The following ZNF257 variants were observed in gnomAD, a reference collection of about 807,000 sequenced individuals.
The protein encoded by ZNF257 is zinc finger protein 257.
Under a neutral mutation model 11.9 loss-of-function variants are expected in ZNF257, and 12 were observed. The ratio of observed to expected loss-of-function variants is 1.01; its 90% CI spans 0.65 to 1.63. The LOEUF (loss-of-function observed/expected upper bound fraction) is 1.63, where lower values mean the gene tolerates loss of function less well. Among genes scored for constraint, ZNF257 ranks in the 40% most tolerant of loss-of-function variants. The pLI, the probability that ZNF257 is intolerant of heterozygous loss-of-function variation, is 0.00. For synonymous variants in ZNF257, 183 were observed against 222.7 expected (o/e 0.82, Z 1.59); for missense variants, 580 against 665.5 (o/e 0.87, Z 1.41).
chr19:22,061,253 G>C (rs1288544061), intron 1 of ZNF257, among the ~76,000 whole-genome samples: 3 of 152,164 alleles, frequency 2.0e-5, no homozygotes, highest in African/African-American at 4.8e-5. Flanking sequence ...TTCTATCCAT[G>C]AGCATAAAAT....
Position 22,068,446 on chromosome 19 carries a change from A to G in ZNF257, c.4-4363A>G, listed in dbSNP as rs186677369. Among the ~76,000 whole-genome samples the G allele has an allele frequency of 5.3e-5, 8 of 152,282 alleles. No individual in the cohort carries two copies. The East Asian group carries it at 1.5e-3, about 29-fold the overall frequency. On this transcript the variant is annotated intron_variant, in intron 1 of 3. Coordinates refer to ENST00000594947, the MANE Select transcript of ZNF257 (RefSeq NM_033468.4). Reference sequence around the variant, plus strand: ...TGATCTGACCAAGAATCTGCACATAAGAGCTGATCTCTGCCTGAGATTCAC... The same window carrying G: ...TGATCTGACCAAGAATCTGCACATAGGAGCTGATCTCTGCCTGAGATTCAC...
intron 1 of ZNF257, among the ~76,000 whole-genome samples, chr19:22,055,087 G>A (rs1397424148): frequency 6.6e-6 from 1 of 152,062 alleles, no homozygotes; most frequent in East Asian, 1.9e-4. Context: ...GAGACACATT[G>A]CTGTTAAGCC....
chr19:22,083,257 G>T (rs2022399854), intron 3 of ZNF257, among the ~76,000 whole-genome samples: 1 of 152,036 alleles, frequency 6.6e-6, no homozygotes, highest in African/African-American at 2.4e-5. Flanking sequence ...ATAACCTTAG[G>T]TCAGCAGTTT....
At chr19:22,058,834 T>C (rs1201408240) in intron 1 of ZNF257, among the ~76,000 whole-genome samples, 2 of 152,058 alleles carry the variant, frequency 1.3e-5, no homozygotes, top group African/African-American at 4.8e-5. Flanking sequence ...GACATTGAGG[T>C]GTCTACACCA....
chr19:22,084,322 T>G (rs1259029911), intron 3 of ZNF257, among the ~76,000 whole-genome samples: 1 of 152,154 alleles, frequency 6.6e-6, no homozygotes, highest in African/African-American at 2.4e-5. Context: ...AAAGTTTACG[T>G]GTTGCATTCT....
rs77765830 is a variant in ZNF257 at position 22,085,690 on chromosome 19, GCACA to G, written c.227-2270_227-2267del. 6.0e-3 allele frequency among the ~76,000 whole-genome samples: 885 copies of G among 148,044 alleles called. 8 individuals are homozygous for G. Among genetic ancestry groups the G allele is most frequent in the African/African-American group, 0.02 (804 of 40,524 alleles). On this transcript the variant is annotated intron_variant, in intron 3 of 3. Transcript: ENST00000594947. ...CCTAATGTGAGATACACACACACAT[GCACA>G]CACACACACACACACAAACACGCAA...
Position 22,072,827 on chromosome 19 carries a change from G to A in ZNF257, c.22G>A (p.Asp8Asn), listed in dbSNP as rs1170261885. ...TTTTCAGGGACCACTGACAATTAGG[G>A]ATGTGACTGTAGAATTCTCTCTGGA... MGPLTIR[D>N]VTVEFSLEEW... The change falls in exon 2 of 4, where the codon GAT becomes AAT. Residue 8 changes from aspartate (D) to asparagine (N), a missense_variant. Physicochemically the swap from Asp to Asn is conservative, Grantham distance 23 (BLOSUM62 1). Coordinates refer to ENST00000594947, the MANE Select transcript of ZNF257 (RefSeq NM_033468.4). The A allele has an allele frequency of 1.2e-6, 2 of 1,612,448 alleles. No homozygotes were observed. The highest frequency in any genetic ancestry group is 1.7e-6 in the Non-Finnish European group (2 of 1,179,324).
intron 1 of ZNF257, 131 bp from the exon 2 acceptor site, chr19:22,072,678 G>T: frequency 1.0e-6 from 1 of 986,914 alleles, no homozygotes; most frequent in Non-Finnish European, 1.5e-6. Context: ...TATTTTCTTG[G>T]ATAATTTTGG....
chr19:22,066,486 C>T (rs563970426), intron 1 of ZNF257: 30 of 152,646 alleles, frequency 2.0e-4, no homozygotes, highest in African/African-American at 7.0e-4. Flanking sequence ...GGCTGTGCCT[C>T]AGTGGCAGAT....
intron 1 of ZNF257, among the ~76,000 whole-genome samples, chr19:22,060,224 C>G (rs986128795): frequency 3.3e-5 from 5 of 152,172 alleles, no homozygotes; most frequent in Non-Finnish European, 5.9e-5. Flanking sequence ...CATGAGACAT[C>G]ACTACATTGC....
At position 22,089,615 on chromosome 19, in the gene ZNF257, G is replaced by T; in HGVS notation, c.*173G>T. The T allele has an allele frequency of 7.0e-7, 1 of 1,427,598 alleles. No homozygotes were observed. 88.4% of individuals were successfully genotyped at this position (1,427,598 alleles called of 1,614,324 possible). On this transcript the variant is annotated 3_prime_UTR_variant, in exon 4 of 4. Transcript: ENST00000594947. ...AGCATAAAATAATTCATGCTGGAGA[G>T]AAACTCTTGAAATGTGATGAATGTG...
chr19:22,054,957 T>C (rs1039254871), intron 1 of ZNF257, among the ~76,000 whole-genome samples: 4 of 149,956 alleles, frequency 2.7e-5, no homozygotes, highest in African/African-American at 9.9e-5. Context: ...CAACCTGAGT[T>C]ATGGAGTGTA....
At chr19:22,076,799 C>T (rs1280763746) in intron 3 of ZNF257, among the ~76,000 whole-genome samples, 2 of 152,144 alleles carry the variant, frequency 1.3e-5, no homozygotes, top group African/African-American at 4.8e-5. Flanking sequence ...CGCCATTCTC[C>T]TGCCTCAGCC....
intron 1 of ZNF257, among the ~76,000 whole-genome samples, chr19:22,067,776 G>A (rs2021991873): frequency 2.0e-5 from 3 of 152,064 alleles, no homozygotes; most frequent in Admixed American, 2.0e-4. Context: ...GAAGGTTGCA[G>A]TGACCCGAGA....
Position 22,052,490 on chromosome 19 carries a change from T to C in ZNF257, c.-143T>C. On this transcript the variant is annotated 5_prime_UTR_variant, in exon 1 of 4. Transcript: ENST00000594947. ...GCTTCCGGGTTTGGCGGGTACTTTG[T>C]CTCTCGCTCTAGCCCGAGCTGCAGG... The C allele has an allele frequency of 1.0e-6, 1 of 960,436 alleles. No homozygotes were observed. The allele number at this position is 960,436 out of a possible 1,614,324, so 59.5% of individuals were successfully genotyped here.
intron 3 of ZNF257, chr19:22,087,651 C>A (rs2022504038): frequency 2.0e-6 from 2 of 987,118 alleles, no homozygotes; most frequent in Admixed American, 4.3e-5. Flanking sequence ...TGGCAATTTA[C>A]TTCTAAGGGC....
At chr19:22,064,096 A>T in intron 1 of ZNF257, 1 of 152,222 alleles carries the variant, frequency 6.6e-6, no homozygotes, top group East Asian at 1.9e-4. Flanking sequence ...TCAAGTGCAC[A>T]AAGTGTGCCC....
At chr19:22,062,304 T>C (rs1220251966) in intron 1 of ZNF257, among the ~76,000 whole-genome samples, 1 of 151,464 alleles carries the variant, frequency 6.6e-6, no homozygotes, top group Non-Finnish European at 1.5e-5. Context: ...TTTTGTATTT[T>C]TCGTAGAGAC....
In ZNF257 at chr19:22,088,040, A is replaced by G. The variant is rs747868683; in HGVS notation, c.290A>G (p.Lys97Arg). Reference sequence around the variant, plus strand: ...CGAGACATAAAATATTTTTTCCAAAAAGTCATACTGAGGAGATATGATAAA... The same window carrying G: ...CGAGACATAAAATATTTTTTCCAAAGAGTCATACTGAGGAGATATGATAAA... Reference protein sequence around the residue: ...PERDIKYFFQKVILRRYDKCE... With the variant: ...PERDIKYFFQRVILRRYDKCE... Residue 97 changes from lysine to arginine, a missense_variant, in exon 4 of 4, where the codon AAA (lysine) becomes AGA (arginine). Physicochemically the swap from Lys to Arg is conservative, Grantham distance 26. Coordinates refer to ENST00000594947, the MANE Select transcript of ZNF257 (RefSeq NM_033468.4). 13 of 1,576,368 alleles carry G rather than the reference A, an allele frequency of 8.2e-6. No individual in the cohort carries two copies. In the East Asian group the frequency reaches 2.9e-4, roughly 36 times the overall value.
Sources: gnomAD v4.1 joint callset for allele counts (sites outside exome capture counted in the v4.1 genomes callset) on GRCh38, gnomAD v4.1.1 for gene constraint, MANE v1.5 for transcripts, NCBI Gene and HGNC (gene_info 2026-07-23, HGNC 2026-07-21) for gene names.